The following PDE3A variants were observed in gnomAD, a reference collection of about 807,000 sequenced individuals.
PDE3A encodes phosphodiesterase 3A.
PDE3A carries 43 observed loss-of-function variants against 98.3 expected under a neutral mutation model. The observed-to-expected ratio is 0.44, with a 90% CI of 0.34 to 0.56. PDE3A has a LOEUF of 0.56. Among genes scored for constraint, PDE3A ranks in the 20% least tolerant of loss-of-function variants. PDE3A has a pLI of 0.01. For synonymous variants in PDE3A, 663 were observed against 567.9 expected (o/e 1.17, Z -2.38); for missense variants, 1,427 against 1,440.7 (o/e 0.99, Z 0.15).
At chr12:20,671,555 C>G (rs1340370988) in intron 15 of PDE3A, among the ~76,000 whole-genome samples, 1 of 150,708 alleles carries the variant, frequency 6.6e-6, no homozygotes, top group Non-Finnish European at 1.5e-5. Context: ...ATACGCAAAT[C>G]AATAAATGTA....
At chr12:20,405,395 A>G (rs1298917128) in intron 1 of PDE3A, among the ~76,000 whole-genome samples, 1 of 152,058 alleles carries the variant, frequency 6.6e-6, no homozygotes, top group Non-Finnish European at 1.5e-5. Context: ...TGCTTACTAG[A>G]ATCCTGTTCA....
intron 3 of PDE3A, among the ~76,000 whole-genome samples, chr12:20,614,990 TTCTTTTTTTC>T (rs1297147250): frequency 5.5e-5 from 2 of 36,468 alleles, no homozygotes; most frequent in Non-Finnish European, 1.4e-4. Context: ...ACTTTTTCTT[TTCTTTTTTTC>T]TTTCTTTCTC....
intron 6 of PDE3A, among the ~76,000 whole-genome samples, chr12:20,630,675 T>A (rs754681612): frequency 6.6e-6 from 1 of 152,216 alleles, no homozygotes; most frequent in Non-Finnish European, 1.5e-5. Flanking sequence ...AAGTGTTATC[T>A]ATCACAGAGG....
intron 1 of PDE3A, among the ~76,000 whole-genome samples, chr12:20,419,808 G>A (rs948979813): frequency 5.7e-5 from 8 of 140,936 alleles, no homozygotes; most frequent in African/African-American, 1.6e-4. Context: ...CTGTGATCTC[G>A]GCTCACTGCA....
intron 14 of PDE3A, among the ~76,000 whole-genome samples, chr12:20,652,062 TC>T: frequency 6.6e-6 from 1 of 152,270 alleles, no homozygotes; most frequent in Non-Finnish European, 1.5e-5. Flanking sequence ...AATGATGGTT[TC>T]CAGTTTCATC....
intron 2 of PDE3A, among the ~76,000 whole-genome samples, chr12:20,585,804 C>G (rs1321367084): frequency 6.6e-6 from 1 of 152,000 alleles, no homozygotes; most frequent in Admixed American, 6.6e-5. Flanking sequence ...TCAGTTTTGA[C>G]TTTGGTTCAT....
intron 4 of PDE3A, 57 bp from the exon 5 acceptor site, chr12:20,621,239 T>A: frequency 3.1e-6 from 3 of 980,200 alleles, no homozygotes; most frequent in Non-Finnish European, 4.9e-6. Flanking sequence ...ACTGGCCCAA[T>A]AACTGATGAA....
intron 8 of PDE3A, 88 bp from the exon 9 acceptor site, chr12:20,637,012 C>G: frequency 1.2e-6 from 1 of 821,386 alleles, no homozygotes; most frequent in Non-Finnish European, 1.8e-6. Flanking sequence ...TTTCCGATAG[C>G]CACAGTTGTT....
chr12:20,533,674 G>T (rs1206717521), intron 1 of PDE3A, among the ~76,000 whole-genome samples: 21 of 151,386 alleles, frequency 1.4e-4, no homozygotes, highest in Admixed American at 1.3e-3. Flanking sequence ...TAGAGATGGG[G>T]TTTCACCGTG....
At chr12:20,384,329 T>G (rs1206422459) in intron 1 of PDE3A, among the ~76,000 whole-genome samples, 3 of 151,820 alleles carry the variant, frequency 2.0e-5, no homozygotes, top group Non-Finnish European at 4.4e-5. Flanking sequence ...CTTCAAAAGT[T>G]TTTTAGTTTG....
chr12:20,675,474 C>G (rs909538823), intron 15 of PDE3A, among the ~76,000 whole-genome samples: 3 of 152,154 alleles, frequency 2.0e-5, no homozygotes, highest in African/African-American at 4.8e-5. Flanking sequence ...AATTTTCTGT[C>G]TAGATGAGCT....
At chr12:20,652,980 C>T (rs577074944) in intron 14 of PDE3A, among the ~76,000 whole-genome samples, 2 of 151,956 alleles carry the variant, frequency 1.3e-5, no homozygotes, top group Admixed American at 6.6e-5. Context: ...TCATAAATCT[C>T]GAAATATGGA....
intron 1 of PDE3A, among the ~76,000 whole-genome samples, chr12:20,432,813 G>T (rs559307395): frequency 6.6e-6 from 1 of 152,126 alleles, no homozygotes; most frequent in African/African-American, 2.4e-5. Flanking sequence ...ACTTGTTCTT[G>T]AAACTTAGGT....
intron 2 of PDE3A, among the ~76,000 whole-genome samples, chr12:20,557,722 T>C (rs1288410977): frequency 6.6e-6 from 1 of 152,174 alleles, no homozygotes; most frequent in Non-Finnish European, 1.5e-5. Context: ...AGTTCACATT[T>C]TAATGACTGA....
At chr12:20,590,012 CT>C (rs1192966706) in intron 2 of PDE3A, among the ~76,000 whole-genome samples, 4 of 151,928 alleles carry the variant, frequency 2.6e-5, no homozygotes, top group Non-Finnish European at 5.9e-5. Context: ...CTTATGCCAC[CT>C]TGTGAGTTGG....
intron 1 of PDE3A, among the ~76,000 whole-genome samples, chr12:20,478,110 A>T (rs189720831): frequency 6.6e-6 from 1 of 152,316 alleles, no homozygotes; most frequent in African/African-American, 2.4e-5. Flanking sequence ...ATTTATAATA[A>T]TAATTGTGAG....
chr12:20,384,599 C>G (rs577720984), intron 1 of PDE3A, among the ~76,000 whole-genome samples: 12 of 151,984 alleles, frequency 7.9e-5, no homozygotes, highest in Admixed American at 7.9e-4. Context: ...TAAACATATA[C>G]TATGGTGCTT....
chr12:20,369,206 TG>T lies in PDE3A; in HGVS notation c.-78del. The T allele has an allele frequency of 2.2e-6, 2 of 891,976 alleles. No homozygotes were observed. The highest frequency in any genetic ancestry group is 3.3e-6 in the Non-Finnish European group (2 of 598,766). The allele number at this position is 891,976 out of a possible 1,614,324, so 55.3% of individuals were successfully genotyped here. ...GCGTGCGTGCGTGTGTGTGTGTGTG[TG>T]TGTGCGCGCGCGCGCGTGGGTCGGG... On this transcript the variant is annotated 5_prime_UTR_variant, in exon 1 of 16. Transcript: ENST00000359062.
intron 1 of PDE3A, among the ~76,000 whole-genome samples, chr12:20,537,802 C>T (rs1941785045): frequency 6.7e-6 from 1 of 150,288 alleles, no homozygotes; most frequent in African/African-American, 2.5e-5. Flanking sequence ...TTAATCTATT[C>T]TCTGAACTAG....
Sources: allele counts gnomAD v4.1 joint callset (sites outside exome capture counted in the v4.1 genomes callset), GRCh38; gene constraint gnomAD v4.1.1; transcripts MANE v1.5; gene names NCBI Gene and HGNC (gene_info 2026-07-23, HGNC 2026-07-21).